Variants in LAMA2 observed in about 807,000 individuals in gnomAD.
LAMA2 encodes the protein laminin subunit alpha-2.
A neutral mutation model predicts 364.8 loss-of-function variants in LAMA2; 269 were observed. The ratio of observed to expected loss-of-function variants is 0.74; its 90% CI spans 0.67 to 0.82. LAMA2 has a LOEUF of 0.82. Ranked by LOEUF, LAMA2 falls within the 40% of genes least tolerant of loss-of-function variation. The pLI is 0.00. For missense variants in LAMA2, 3,807 were observed against 3,873.2 expected, an observed-to-expected ratio of 0.98 and a Z score of 0.45; for synonymous variants, 1,379 against 1,370.6, an observed-to-expected ratio of 1.01 and a Z score of -0.14.
chr6:129,104,009 C>T (rs1268993039), intron 4 of LAMA2, among the ~76,000 whole-genome samples: 2 of 151,656 alleles, frequency 1.3e-5, no homozygotes, highest in Non-Finnish European at 2.9e-5. Flanking sequence ...TTCCTCCCTT[C>T]CTTCCTTCCT....
chr6:129,071,922 G>A (rs1773341949), intron 3 of LAMA2, among the ~76,000 whole-genome samples: 1 of 152,146 alleles, frequency 6.6e-6, no homozygotes, highest in Admixed American at 6.5e-5. Context: ...GAGCCCAGAA[G>A]TTCAAGACCA....
intron 29 of LAMA2, among the ~76,000 whole-genome samples, chr6:129,338,414 C>T (rs952968199): frequency 6.6e-6 from 1 of 152,132 alleles, no homozygotes; most frequent in Non-Finnish European, 1.5e-5. Flanking sequence ...ATTATTTTAT[C>T]TTGGAGCCAT....
In LAMA2 at chr6:128,906,552, T is replaced by C. The variant is rs757298543; in HGVS notation, c.112+23195T>C. On this transcript the variant is annotated intron_variant, in intron 1 of 64. Coordinates refer to ENST00000421865, the MANE Select transcript of LAMA2 (RefSeq NM_000426.4). The stretch of plus-strand genomic sequence containing the variant: ...GGATATTAGCCCTTTGTCAGATGAG[T>C]AGGTTGCGAAAATTTTCTCCCATTT... Among the ~76,000 whole-genome samples, 771 of 148,676 alleles carry C rather than the reference T, an allele frequency of 5.2e-3. 8 individuals are homozygous for C. The highest frequency in any genetic ancestry group is 7.8e-3 in the Non-Finnish European group (526 of 67,140).
chr6:129,504,930 T>C (rs1280663580), intron 60 of LAMA2, among the ~76,000 whole-genome samples: 1 of 152,206 alleles, frequency 6.6e-6, no homozygotes, highest in Non-Finnish European at 1.5e-5. Context: ...CATATCCACA[T>C]TTGGCAATCT....
chr6:129,475,292 G>T, intron 52 of LAMA2, 98 bp from the exon 53 acceptor site: 2 of 760,730 alleles, frequency 2.6e-6, no homozygotes, highest in South Asian at 1.9e-5. Flanking sequence ...ATTTTTTAAA[G>T]ATTTATGATT....
chr6:129,170,830 A>C (rs1337658863), intron 9 of LAMA2, among the ~76,000 whole-genome samples: 6 of 149,744 alleles, frequency 4.0e-5, no homozygotes, highest in Admixed American at 6.7e-5. Flanking sequence ...TAGGTCACTC[A>C]GGACTTGCTT....
rs187301391 is a variant in LAMA2 at position 128,929,097 on chromosome 6, G to A, written c.112+45740G>A. ...TCATCCAGAATCCACACTGTGGACCGCAGCAGCGTTTTCCCGTACAGATCC... is the reference window on the plus strand; with the variant it reads ...TCATCCAGAATCCACACTGTGGACCACAGCAGCGTTTTCCCGTACAGATCC... On this transcript the variant is annotated intron_variant, in intron 1 of 64. Transcript: ENST00000421865. 4.7e-5 allele frequency: 68 copies of A among 1,455,668 alleles called. No homozygotes were observed. In the East Asian group the frequency reaches 1.1e-3, roughly 24 times the overall value. The allele number at this position is 1,455,668 out of a possible 1,614,324, so 90.2% of individuals were successfully genotyped here. A position where few individuals can be genotyped will look rare whatever the true frequency, so the allele number is the denominator to read the frequency against.
At chr6:129,116,221 A>G (rs1776473212) in intron 4 of LAMA2, among the ~76,000 whole-genome samples, 2 of 152,260 alleles carry the variant, frequency 1.3e-5, no homozygotes, top group South Asian at 4.1e-4. Flanking sequence ...AAATCACCAT[A>G]ATAAAATAAA....
intron 5 of LAMA2, among the ~76,000 whole-genome samples, 195 bp from the exon 6 acceptor site, chr6:129,146,764 C>T (rs1778482657): frequency 1.3e-5 from 2 of 152,084 alleles, no homozygotes; most frequent in Admixed American, 1.3e-4. Context: ...AAAGGCCACT[C>T]TTCCTTTGGG....
At chr6:128,917,737 T>TC (rs779342764) in intron 1 of LAMA2, among the ~76,000 whole-genome samples, 36 of 117,794 alleles carry the variant, frequency 3.1e-4, no homozygotes, top group East Asian at 1.7e-3. Context: ...TTTCTTTCTT[T>TC]TTTTTTTTTT....
At chr6:129,218,233 G>C (rs1365799597) in intron 12 of LAMA2, among the ~76,000 whole-genome samples, 1 of 152,050 alleles carries the variant, frequency 6.6e-6, no homozygotes, top group Non-Finnish European at 1.5e-5. Flanking sequence ...TGATTCATTT[G>C]TACAATATTT....
At chr6:129,412,930 T>C (rs1780608025) in intron 40 of LAMA2, among the ~76,000 whole-genome samples, 1 of 152,226 alleles carries the variant, frequency 6.6e-6, no homozygotes, top group Non-Finnish European at 1.5e-5. Context: ...CATAGGATAT[T>C]TGATGAGCAC....
chr6:129,118,494 T>C lies in LAMA2; in HGVS notation c.639+20079T>C, dbSNP rs931577592. 3.9e-5 allele frequency among the ~76,000 whole-genome samples: 6 copies of C among 152,198 alleles called. No individual in the cohort carries two copies. The East Asian group carries it at 5.8e-4, about 15-fold the overall frequency. ...CATATCCTTGGAGATTTTAAAGCTA[T>C]CTGAAAATGTGCCATATTTAAACAT... is the stretch of plus-strand genomic sequence containing the variant. On this transcript the variant is annotated intron_variant, in intron 4 of 64. Coordinates refer to ENST00000421865, the MANE Select transcript of LAMA2 (RefSeq NM_000426.4).
intron 34 of LAMA2, among the ~76,000 whole-genome samples, chr6:129,374,924 G>A (rs1317832310): frequency 1.3e-5 from 2 of 151,712 alleles, no homozygotes; most frequent in East Asian, 3.9e-4. Context: ...TCTCTGCTTG[G>A]TTGGCTCACC....
At chr6:129,129,350 A>G (rs1295601853) in intron 4 of LAMA2, among the ~76,000 whole-genome samples, 1 of 152,202 alleles carries the variant, frequency 6.6e-6, no homozygotes, top group South Asian at 2.1e-4. Context: ...AAAATTAACT[A>G]ATGTGTTAAC....
At chr6:129,328,720 C>G (rs1329813421) in intron 29 of LAMA2, among the ~76,000 whole-genome samples, 1 of 151,966 alleles carries the variant, frequency 6.6e-6, no homozygotes. Context: ...AATAAACTTT[C>G]TATAAAATTT....
At chr6:128,929,037 T>C (rs1779274735) in intron 1 of LAMA2, 6 of 1,430,602 alleles carry the variant, frequency 4.2e-6, no homozygotes, top group Non-Finnish European at 4.9e-6. Context: ...AAGAAGCCAA[T>C]GGTATCCTCT....
At chr6:129,231,574 T>G (rs1273823743) in intron 12 of LAMA2, among the ~76,000 whole-genome samples, 1 of 152,140 alleles carries the variant, frequency 6.6e-6, no homozygotes, top group Non-Finnish European at 1.5e-5. Context: ...TCACTTCCCT[T>G]CCATTCATGT....
intron 12 of LAMA2, among the ~76,000 whole-genome samples, chr6:129,242,494 T>C (rs1785460725): frequency 6.6e-6 from 1 of 152,156 alleles, no homozygotes; most frequent in African/African-American, 2.4e-5. Context: ...GCTTTTTGTT[T>C]TCTTGGCAGA....
Sources: allele counts gnomAD v4.1 joint callset (sites outside exome capture counted in the v4.1 genomes callset), GRCh38; gene constraint gnomAD v4.1.1; transcripts MANE v1.5; gene names NCBI Gene and HGNC (gene_info 2026-07-23, HGNC 2026-07-21).